Variants in RAB38 observed in about 807,000 individuals in gnomAD.
The protein encoded by RAB38 is ras-related protein Rab-38.
Under a neutral mutation model 18.4 loss-of-function variants are expected in RAB38, and 15 were observed. The ratio of observed to expected loss-of-function variants is 0.82; its 90% CI spans 0.55 to 1.26. RAB38 has a LOEUF of 1.26. Ranked by LOEUF, RAB38 falls within the 50% of genes most tolerant of loss-of-function variation. RAB38 has a pLI of 0.00. For synonymous variants in RAB38, 101 were observed against 104.4 expected, an observed-to-expected ratio of 0.97 and a Z score of 0.20; for missense variants, 294 against 267.4, an observed-to-expected ratio of 1.10 and a Z score of -0.69.
chr11:88,004,090 C>A, the RAB38 span, among the ~76,000 whole-genome samples: 2 of 143,088 alleles, frequency 1.4e-5, no homozygotes, highest in Non-Finnish European at 1.5e-5. Context: ...AAAATCAGGT[C>A]CTTTACTAAT....
At chr11:87,937,347 T>A in the RAB38 span, among the ~76,000 whole-genome samples, 4 of 125,818 alleles carry the variant, frequency 3.2e-5, no homozygotes, top group African/African-American at 8.7e-5. Flanking sequence ...TATATATATA[T>A]ATATCATAAT....
chr11:87,973,818 T>C, the RAB38 span, among the ~76,000 whole-genome samples: 1 of 151,880 alleles, frequency 6.6e-6, no homozygotes, highest in Middle Eastern at 3.4e-3. Flanking sequence ...CAGGTTAGAG[T>C]GAAGAAGTCT....
chr11:87,855,166 ATTTG>A, the RAB38 span, among the ~76,000 whole-genome samples: 4 of 152,116 alleles, frequency 2.6e-5, no homozygotes, highest in Non-Finnish European at 5.9e-5. Context: ...TTCTAAGAAA[ATTTG>A]TTTATTAGTA....
chr11:88,020,448 T>C, the RAB38 span, among the ~76,000 whole-genome samples: 3 of 152,174 alleles, frequency 2.0e-5, no homozygotes, highest in Non-Finnish European at 2.9e-5. Context: ...CACCCAGATA[T>C]ATAAACCATT....
the RAB38 span, among the ~76,000 whole-genome samples, chr11:88,024,720 C>T: frequency 1.3e-5 from 2 of 152,022 alleles, no homozygotes; most frequent in Admixed American, 6.6e-5. Context: ...CTGTCATTTG[C>T]AACAACATGG....
chr11:87,908,910 T>A, the RAB38 span, among the ~76,000 whole-genome samples: 168 of 151,966 alleles, frequency 1.1e-3, 3 homozygotes, highest in Non-Finnish European at 4.4e-4. Context: ...AAATTTTTCC[T>A]CATATTGATT....
At chr11:88,096,355 C>CA in the RAB38 span, among the ~76,000 whole-genome samples, 1 of 151,822 alleles carries the variant, frequency 6.6e-6, no homozygotes, top group East Asian at 1.9e-4. Flanking sequence ...CTTGGTTACT[C>CA]AATTCCCCCG....
the RAB38 span, among the ~76,000 whole-genome samples, chr11:88,027,331 G>A: frequency 2.0e-5 from 3 of 152,148 alleles, no homozygotes; most frequent in African/African-American, 7.2e-5. Context: ...TCCATCTGAG[G>A]TACTGGGTTC....
At chr11:88,079,186 T>A in the RAB38 span, among the ~76,000 whole-genome samples, 1 of 151,668 alleles carries the variant, frequency 6.6e-6, no homozygotes, top group Non-Finnish European at 1.5e-5. Context: ...TAGATAAATC[T>A]CTGGTTAAAC....
the RAB38 span, among the ~76,000 whole-genome samples, chr11:88,010,927 C>G: frequency 5.9e-5 from 9 of 152,136 alleles, no homozygotes; most frequent in African/African-American, 1.9e-4. Context: ...AGAACTTATT[C>G]TGCCAGTCTG....
At chr11:88,108,719 T>C (rs1019752397), downstream of RAB38, among the ~76,000 whole-genome samples, 2 of 152,238 alleles carry the variant, frequency 1.3e-5, no homozygotes, top group Admixed American at 1.3e-4. Flanking sequence ...TGGTAGTTGA[T>C]GCAGTTTCTT....
intron 1 of RAB38, among the ~76,000 whole-genome samples, chr11:88,158,187 G>A (rs1943148286): frequency 6.6e-6 from 1 of 152,030 alleles, no homozygotes; most frequent in African/African-American, 2.4e-5. Flanking sequence ...TAGAGGAAAT[G>A]AATAAATTCC....
At chr11:88,104,825 T>A in the RAB38 span, among the ~76,000 whole-genome samples, 1 of 152,152 alleles carries the variant, frequency 6.6e-6, no homozygotes, top group Non-Finnish European at 1.5e-5. Flanking sequence ...TTATCCTTTG[T>A]CCTCTCAATA....
intron 2 of RAB38, among the ~76,000 whole-genome samples, chr11:88,136,284 T>A (rs1942833435): frequency 6.6e-6 from 1 of 151,996 alleles, no homozygotes; most frequent in South Asian, 2.1e-4. Context: ...AATCAATACC[T>A]CGGTAGCAGT....
chr11:88,133,751 C>T (rs1170499224), intron 2 of RAB38, among the ~76,000 whole-genome samples: 1 of 152,114 alleles, frequency 6.6e-6, no homozygotes, highest in Non-Finnish European at 1.5e-5. Context: ...TGTCCAAAAT[C>T]TTCCCAGTTT....
chr11:88,161,671 A>T (rs750627058), intron 1 of RAB38, among the ~76,000 whole-genome samples: 4 of 152,130 alleles, frequency 2.6e-5, no homozygotes, highest in African/African-American at 4.8e-5. Flanking sequence ...TTTGTGAATT[A>T]GTGCTGCATA....
the RAB38 span, among the ~76,000 whole-genome samples, chr11:87,859,068 TC>T: frequency 2.6e-5 from 4 of 151,778 alleles, no homozygotes; most frequent in African/African-American, 9.7e-5. Context: ...AAGAATAGAC[TC>T]TTTAATAAAT....
chr11:88,027,816 A>G, the RAB38 span, among the ~76,000 whole-genome samples: 8 of 152,210 alleles, frequency 5.3e-5, no homozygotes, highest in East Asian at 1.5e-3. Context: ...ACAAACAAAA[A>G]GACAGCAGTA....
chr11:87,878,921 G>A, the RAB38 span, among the ~76,000 whole-genome samples: 1 of 147,656 alleles, frequency 6.8e-6, no homozygotes, highest in Non-Finnish European at 1.5e-5. Context: ...AAATATCCAA[G>A]TTAAGTACTC....
Sources: allele counts gnomAD v4.1 joint callset (sites outside exome capture counted in the v4.1 genomes callset), GRCh38; gene constraint gnomAD v4.1.1; transcripts MANE v1.5; gene names NCBI Gene and HGNC (gene_info 2026-07-23, HGNC 2026-07-21).